The following SNRPD3 variants were observed in gnomAD, a reference collection of about 807,000 sequenced individuals.
SNRPD3 encodes the protein small nuclear ribonucleoprotein Sm D3.
For synonymous variants in SNRPD3, 66 were observed against 58.4 expected (o/e 1.13, Z -0.59); for missense variants, 73 against 167.5 (o/e 0.44, Z 3.11).
At chr22:24,561,014 C>T (rs1244426520) in intron 2 of SNRPD3, among the ~76,000 whole-genome samples, 3 of 147,194 alleles carry the variant, frequency 2.0e-5, no homozygotes, top group Admixed American at 6.8e-5. Context: ...GCTAGGATTA[C>T]AGGCATGAGC....
intron 2 of SNRPD3, among the ~76,000 whole-genome samples, chr22:24,564,693 G>A (rs1466919153): frequency 6.6e-6 from 1 of 152,154 alleles, no homozygotes; most frequent in African/African-American, 2.4e-5. Flanking sequence ...CCTAGATTAA[G>A]TCTTGTCGGA....
chr22:24,573,932 T>C lies in SNRPD3; in HGVS notation c.*1955T>C, dbSNP rs2045268993. 6.6e-6 allele frequency among the ~76,000 whole-genome samples: 1 copy of C among 152,190 alleles called. No individual in the cohort carries two copies. Among genetic ancestry groups the C allele is most frequent in the East Asian group, 1.9e-4 (1 of 5,198 alleles). On this transcript the variant is annotated 3_prime_UTR_variant, in exon 4 of 4. Coordinates refer to ENST00000215829, the MANE Select transcript of SNRPD3 (RefSeq NM_004175.5). ...TTTTCAACATCAACTAAGGATCTTATTAGAAATGAAGACTGCAAGCCGCAC... is the reference window on the plus strand; with the variant it reads ...TTTTCAACATCAACTAAGGATCTTACTAGAAATGAAGACTGCAAGCCGCAC...
rs1326870670 is a variant in SNRPD3 at position 24,572,285 on chromosome 22, T to C, written c.*308T>C. 1 of 606,698 alleles carries C rather than the reference T, an allele frequency of 1.6e-6. No homozygotes were observed. The highest frequency in any genetic ancestry group is 2.7e-5 in the East Asian group (1 of 36,512). The allele number at this position is 606,698 out of a possible 1,614,324, so 37.6% of individuals were successfully genotyped here. On this transcript the variant is annotated 3_prime_UTR_variant, in exon 4 of 4. Transcript: ENST00000215829. ...TGATGAGATTTTAAGCTGCTGTTCC[T>C]GGCCAGTTGCAGGTTAAGCCCCAGA...
chr22:24,560,787 G>GCA (rs2045133212), intron 2 of SNRPD3, among the ~76,000 whole-genome samples: 1 of 32,102 alleles, frequency 3.1e-5, no homozygotes, highest in Non-Finnish European at 6.1e-5. Context: ...GAGTACAGTG[G>GCA]CACAATCTCA....
intron 3 of SNRPD3, among the ~76,000 whole-genome samples, chr22:24,570,775 T>A (rs1016245772): frequency 1.3e-5 from 2 of 152,138 alleles, no homozygotes; most frequent in African/African-American, 4.8e-5. Flanking sequence ...TCATGCTATT[T>A]ATATGGAGTG....
intron 2 of SNRPD3, among the ~76,000 whole-genome samples, chr22:24,566,099 G>A (rs1360118586): frequency 6.6e-6 from 1 of 152,160 alleles, no homozygotes; most frequent in Non-Finnish European, 1.5e-5. Context: ...TAAGGACTTG[G>A]GAACTGGATG....
At chr22:24,568,289 C>G (rs2045215150) in intron 3 of SNRPD3, 113 bp downstream of exon 3, 2 of 696,070 alleles carry the variant, frequency 2.9e-6, no homozygotes, top group Non-Finnish European at 4.8e-6. Context: ...TCTCTCCACA[C>G]CCACCACCCA....
upstream of SNRPD3, chr22:24,555,948 C>T (rs189468388): frequency 1.9e-6 from 2 of 1,033,772 alleles, no homozygotes; most frequent in Admixed American, 2.4e-5. Context: ...GGAGGCGGGC[C>T]CTGCGCGCAG....
rs76930615 is a variant in SNRPD3, at chr22:24,569,470, A to G, written c.319+1294A>G. On this transcript the variant is annotated intron_variant, in intron 3 of 3. Transcript: ENST00000215829. ...TTATATGTGTGTGAGGAAAAAAGTCAAACTGTGTTTTTCCTCTGCTCTCAC... is the reference window on the plus strand; with the variant it reads ...TTATATGTGTGTGAGGAAAAAAGTCGAACTGTGTTTTTCCTCTGCTCTCAC... 4.0e-3 allele frequency among the ~76,000 whole-genome samples: 615 copies of G among 152,300 alleles called. 2 individuals are homozygous for G. The highest frequency in any genetic ancestry group is 7.0e-3 in the Non-Finnish European group (475 of 68,036).
At position 24,559,741 on chromosome 22, in the gene SNRPD3, A is replaced by T. The variant is rs189725447; in HGVS notation, c.126+1941A>T. 2.6e-5 allele frequency among the ~76,000 whole-genome samples: 4 copies of T among 152,228 alleles called. No individual in the cohort carries two copies. In the East Asian group the frequency reaches 5.8e-4, roughly 22 times the overall value. ...GCCTCAGAAGGAACCATGCCTGACC[A>T]ATGGTGGGGGACAGCCACCTGCCTC... is the stretch of plus-strand genomic sequence containing the variant. On this transcript the variant is annotated intron_variant, in intron 2 of 3. Coordinates refer to ENST00000215829, the MANE Select transcript of SNRPD3 (RefSeq NM_004175.5).
At chr22:24,570,548 T>C (rs2045239794) in intron 3 of SNRPD3, among the ~76,000 whole-genome samples, 1 of 151,996 alleles carries the variant, frequency 6.6e-6, no homozygotes, top group African/African-American at 2.4e-5. Context: ...CTGGGCATGG[T>C]GGCAGGTCCC....
intron 2 of SNRPD3, among the ~76,000 whole-genome samples, chr22:24,561,667 C>G (rs147089168): frequency 8.6e-4 from 131 of 152,300 alleles, no homozygotes; most frequent in African/African-American, 2.6e-3. Context: ...AGAACATCCT[C>G]TTAGCACTTT....
At chr22:24,564,952 T>A (rs1247218215) in intron 2 of SNRPD3, among the ~76,000 whole-genome samples, 1 of 148,994 alleles carries the variant, frequency 6.7e-6, no homozygotes, top group African/African-American at 2.5e-5. Context: ...GTCATAATCA[T>A]AGCTCACTGC....
chr22:24,556,584 CACTGTTGCAGCAGTTTTA>C, intron 1 of SNRPD3, among the ~76,000 whole-genome samples: 1 of 152,238 alleles, frequency 6.6e-6, no homozygotes, highest in East Asian at 1.9e-4. Context: ...ATGCTTTCCA[CACTGTTGCAGCAGTTTTA>C]ACTGTTGCAG....
At chr22:24,555,957 A>T, upstream of SNRPD3, 5 of 947,082 alleles carry the variant, frequency 5.3e-6, no homozygotes, top group Non-Finnish European at 7.8e-6. Context: ...CCCTGCGCGC[A>T]GCATTTTGGG....
At chr22:24,567,083 G>A (rs1266759575) in intron 2 of SNRPD3, among the ~76,000 whole-genome samples, 1 of 152,104 alleles carries the variant, frequency 6.6e-6, no homozygotes, top group Admixed American at 6.6e-5. Context: ...GTAATTTCAG[G>A]CCCTTTTTAC....
At position 24,574,420 on chromosome 22, in the gene SNRPD3, C is replaced by T. The variant is rs1309756741; in HGVS notation, c.*2443C>T. On this transcript the variant is annotated 3_prime_UTR_variant, in exon 4 of 4. Transcript: ENST00000215829. ...AAGGTTTATTATGAAAAACAGTAGCCCTCCTACCCTGCCTTTACCCCACTT... is the reference window on the plus strand; with the variant it reads ...AAGGTTTATTATGAAAAACAGTAGCTCTCCTACCCTGCCTTTACCCCACTT... Among the ~76,000 whole-genome samples, 1 of 152,154 alleles carries T rather than the reference C, an allele frequency of 6.6e-6. No homozygotes were observed. The highest frequency in any genetic ancestry group is 1.5e-5 in the Non-Finnish European group (1 of 68,008).
At chr22:24,556,358 T>C (rs1601561791) in intron 1 of SNRPD3, among the ~76,000 whole-genome samples, 2 of 142,166 alleles carry the variant, frequency 1.4e-5, no homozygotes, top group South Asian at 4.5e-4. Context: ...TTCCCCCAAA[T>C]CCTATGAGTT....
In SNRPD3 at chr22:24,561,064, C is replaced by CTTTTTTT. The variant is rs1164120857; in HGVS notation, c.126+3283_126+3289dup. On this transcript the variant is annotated intron_variant, in intron 2 of 3. Coordinates refer to ENST00000215829, the MANE Select transcript of SNRPD3 (RefSeq NM_004175.5). The stretch of plus-strand genomic sequence containing the variant: ...TTTTTTTTCTTTTCCTTTTTCTTTT[C>CTTTTTTT]TTTTTTTTTTTTTTTTTTTTTTTTT... Among the ~76,000 whole-genome samples the CTTTTTTT allele has an allele frequency of 4.2e-3, 262 of 61,656 alleles. 3 individuals are homozygous for CTTTTTTT. Among genetic ancestry groups the CTTTTTTT allele is most frequent in the Middle Eastern group, 0.012 (1 of 84 alleles). 40.4% of individuals were successfully genotyped at this position (61,656 alleles called of 152,430 possible). A position where few individuals can be genotyped will look rare whatever the true frequency, so the allele number is the denominator to read the frequency against.
Sources: allele counts gnomAD v4.1 joint callset (sites outside exome capture counted in the v4.1 genomes callset), GRCh38; gene constraint gnomAD v4.1.1; transcripts MANE v1.5; gene names NCBI Gene and HGNC (gene_info 2026-07-23, HGNC 2026-07-21).